The following CPO variants were observed in gnomAD, a reference collection of about 807,000 sequenced individuals.
The protein encoded by CPO is metallocarboxypeptidase C.
A neutral mutation model predicts 41.2 loss-of-function variants in CPO; 43 were observed. The ratio of observed to expected loss-of-function variants is 1.04; its 90% CI spans 0.82 to 1.35. The LOEUF is 1.35. Ranked by LOEUF, CPO falls within the 40% of genes most tolerant of loss-of-function variation. The pLI, the probability that CPO is intolerant of heterozygous loss-of-function variation, is 0.00. For synonymous variants in CPO, 178 were observed against 162.7 expected (o/e 1.09, Z -0.72); for missense variants, 408 against 451.7 (o/e 0.90, Z 0.88).
chr2:206,959,271 G>A lies in CPO; in HGVS notation c.373-360G>A, dbSNP rs75028338. 3.2e-3 allele frequency among the ~76,000 whole-genome samples: 487 copies of A among 152,184 alleles called. 1 individual carries two copies. Among genetic ancestry groups the A allele is most frequent in the Non-Finnish European group, 5.7e-3 (385 of 67,992 alleles). On this transcript the variant is annotated intron_variant, in intron 4 of 8. Coordinates refer to ENST00000272852, the MANE Select transcript of CPO (RefSeq NM_173077.3). ...GAGAAACTCATAAAGAGTAGTTCTC[G>A]GAGTGTTGTCCCCAGATCAACAGTA...
intron 2 of CPO, 127 bp from the exon 3 acceptor site, chr2:206,955,336 C>T: frequency 2.9e-6 from 2 of 693,866 alleles, no homozygotes; most frequent in Non-Finnish European, 2.7e-6. Flanking sequence ...TCTTTTACCA[C>T]ACAGCTGTTG....
chr2:206,955,483 G>C lies in CPO; in HGVS notation c.186G>C (p.Glu62Asp). 6.2e-7 allele frequency: 1 copy of C among 1,609,542 alleles called. No homozygotes were observed. Among genetic ancestry groups the C allele is most frequent in the Non-Finnish European group, 8.5e-7 (1 of 1,175,744 alleles). The change falls in exon 3 of 9, where the codon GAG becomes GAC. Residue 62 changes from glutamate (E) to aspartate (D), a missense_variant. By Grantham distance (45) the Glu-to-Asp change is conservative. Transcript: ENST00000272852. ...PMGEIYEWMR[E>D]ISEKYKEVVT... is the part of the protein sequence containing the mutation. The stretch of plus-strand genomic sequence containing the variant: ...TTCAGATCTATGAGTGGATGAGAGA[G>C]ATCAGTGAGAAGTACAAGGAAGTGG...
intron 4 of CPO, 31 bp from the exon 5 acceptor site, chr2:206,959,600 A>T: frequency 1.0e-6 from 1 of 971,106 alleles, no homozygotes; most frequent in Non-Finnish European, 1.7e-6. Context: ...ATCTCAAAAT[A>T]ATTCTGAACA....
chr2:206,959,906 T>A (rs564640510), intron 5 of CPO, among the ~76,000 whole-genome samples, 165 bp downstream of exon 5: 1 of 152,340 alleles, frequency 6.6e-6, no homozygotes, highest in South Asian at 2.1e-4. Context: ...AATCAAACCA[T>A]CTACATTAAG....
intron 1 of CPO, among the ~76,000 whole-genome samples, chr2:206,948,647 A>C (rs578171761): frequency 1.3e-5 from 2 of 152,258 alleles, no homozygotes; most frequent in South Asian, 4.2e-4. Flanking sequence ...CTGTAGTGCC[A>C]ATTAATTGAG....
chr2:206,956,582 A>G (rs1022883542), intron 3 of CPO, among the ~76,000 whole-genome samples: 1 of 152,238 alleles, frequency 6.6e-6, no homozygotes, highest in Non-Finnish European at 1.5e-5. Context: ...TTTCAGAACC[A>G]GAGTGCATTT....
chr2:206,957,204 C>T (rs1468807419), intron 3 of CPO, among the ~76,000 whole-genome samples: 2 of 151,892 alleles, frequency 1.3e-5, no homozygotes, highest in Non-Finnish European at 2.9e-5. Flanking sequence ...GGTAAAACCC[C>T]GTCTCTACTA....
At chr2:206,968,769 C>G (rs1461819119) in intron 8 of CPO, among the ~76,000 whole-genome samples, 3 of 152,212 alleles carry the variant, frequency 2.0e-5, no homozygotes, top group African/African-American at 7.2e-5. Flanking sequence ...TTTCTCCCAA[C>G]CCCAATCTCC....
chr2:206,940,515 C>G (rs907652025), intron 1 of CPO, among the ~76,000 whole-genome samples: 37 of 151,768 alleles, frequency 2.4e-4, no homozygotes, highest in Non-Finnish European at 7.4e-5. Flanking sequence ...TATTTTATTA[C>G]TAATTTTATC....
At chr2:206,954,653 C>G (rs1242920637) in intron 2 of CPO, among the ~76,000 whole-genome samples, 1 of 152,202 alleles carries the variant, frequency 6.6e-6, no homozygotes, top group Admixed American at 6.5e-5. Flanking sequence ...AAGCACCGTA[C>G]TCTACTAGTA....
intron 1 of CPO, among the ~76,000 whole-genome samples, chr2:206,947,475 G>C (rs1377896340): frequency 6.6e-6 from 1 of 152,132 alleles, no homozygotes; most frequent in African/African-American, 2.4e-5. Context: ...AGAAAACCTA[G>C]ATGACTATGG....
intron 4 of CPO, among the ~76,000 whole-genome samples, 160 bp from the exon 5 acceptor site, chr2:206,959,471 T>G (rs141895053): frequency 2.0e-5 from 3 of 152,248 alleles, no homozygotes; most frequent in Non-Finnish European, 4.4e-5. Flanking sequence ...GTGATAAAGT[T>G]TGGGAACAAC....
chr2:206,949,487 G>A (rs1693209401), intron 1 of CPO, 130 bp from the exon 2 acceptor site: 2 of 627,474 alleles, frequency 3.2e-6, no homozygotes, highest in Non-Finnish European at 5.7e-6. Flanking sequence ...CAGAGCCAAA[G>A]ACTCCAACAC....
chr2:206,960,713 C>G (rs1284279253), intron 5 of CPO, 139 bp from the exon 6 acceptor site: 1 of 682,122 alleles, frequency 1.5e-6, no homozygotes, highest in African/African-American at 1.8e-5. Context: ...ATTACACACA[C>G]AAGCTGCCTA....
chr2:206,966,273 C>CA (rs1005679841), intron 7 of CPO, among the ~76,000 whole-genome samples: 1 of 150,996 alleles, frequency 6.6e-6, no homozygotes, highest in African/African-American at 2.4e-5. Context: ...ACTGGGATGG[C>CA]AAGTGTAGTC....
At chr2:206,941,841 T>A (rs1249163217) in intron 1 of CPO, among the ~76,000 whole-genome samples, 1 of 152,088 alleles carries the variant, frequency 6.6e-6, no homozygotes, top group Non-Finnish European at 1.5e-5. Flanking sequence ...GGAGGTAATC[T>A]CCCATATGTT....
chr2:206,963,668 A>AT (rs1227444426), intron 7 of CPO, among the ~76,000 whole-genome samples: 11 of 152,174 alleles, frequency 7.2e-5, no homozygotes, highest in African/African-American at 2.4e-4. Flanking sequence ...GTGTATCCAA[A>AT]TTTTCTTCCT....
intron 1 of CPO, among the ~76,000 whole-genome samples, chr2:206,943,245 C>A (rs141606527): frequency 6.6e-6 from 1 of 152,068 alleles, no homozygotes; most frequent in Non-Finnish European, 1.5e-5. Flanking sequence ...GGAAGAACAG[C>A]CAGCTTCCTT....
rs1272754761 is a variant in CPO at position 206,969,424 on chromosome 2, G to A, written c.1113G>A (p.Met371Ile). Residue 371 changes from methionine to isoleucine, a missense_variant, in exon 9 of 9, where the codon ATG (methionine) becomes ATA (isoleucine). Transcript: ENST00000272852. ...TGCTGGGCCTGCTGGTGTCCTGCAT[G>A]TCTCTTCTCTAAGTGCATTCTGCCC... Reference protein sequence around the residue: ...TMLLGLLVSCMSLL With the variant: ...TMLLGLLVSCISLL The A allele has an allele frequency of 1.2e-6, 2 of 1,614,034 alleles. No homozygotes were observed. Among genetic ancestry groups the A allele is most frequent in the African/African-American group, 2.7e-5 (2 of 75,054 alleles).
Sources: allele counts gnomAD v4.1 joint callset (sites outside exome capture counted in the v4.1 genomes callset), GRCh38; gene constraint gnomAD v4.1.1; transcripts MANE v1.5; gene names NCBI Gene and HGNC (gene_info 2026-07-23, HGNC 2026-07-21).